Variants in RGMB observed in about 807,000 individuals in gnomAD.
RGMB encodes repulsive guidance molecule B.
Under a neutral mutation model 26.9 loss-of-function variants are expected in RGMB, and 16 were observed. The observed-to-expected ratio is 0.60, with a 90% CI of 0.40 to 0.90. The LOEUF is 0.90. Among genes scored for constraint, RGMB ranks in the 40% least tolerant of loss-of-function variants. RGMB has a pLI of 0.00. For missense variants in RGMB, 512 were observed against 573.3 expected, an observed-to-expected ratio of 0.89 and a Z score of 1.09; for synonymous variants, 225 against 229.3, an observed-to-expected ratio of 0.98 and a Z score of 0.17.
At chr5:98,777,376 C>G (rs569230594) in intron 1 of RGMB, among the ~76,000 whole-genome samples, 28 of 152,230 alleles carry the variant, frequency 1.8e-4, no homozygotes, top group Admixed American at 1.6e-3. Flanking sequence ...GACCTTGGCC[C>G]CATATTTATT....
chr5:98,774,831 C>T (rs907170812), intron 1 of RGMB, among the ~76,000 whole-genome samples: 19 of 152,156 alleles, frequency 1.2e-4, no homozygotes, highest in African/African-American at 3.9e-4. Flanking sequence ...AGCCGGGTGT[C>T]TTCGGGCTCC....
intron 2 of RGMB, among the ~76,000 whole-genome samples, chr5:98,792,272 T>C (rs1746954221): frequency 6.6e-6 from 1 of 152,202 alleles, no homozygotes; most frequent in Non-Finnish European, 1.5e-5. Context: ...AGTTTTTTAA[T>C]CCTATGAAGA....
chr5:98,777,171 C>A (rs928097963), intron 1 of RGMB, among the ~76,000 whole-genome samples: 11 of 151,582 alleles, frequency 7.3e-5, no homozygotes, highest in Admixed American at 3.9e-4. Flanking sequence ...TTCCACTTTT[C>A]TTTCCTTCTG....
intron 1 of RGMB, 135 bp downstream of exon 1, chr5:98,774,341 C>A: frequency 1.1e-6 from 1 of 919,366 alleles, no homozygotes; most frequent in Non-Finnish European, 1.5e-6. Context: ...GAGCCCCTGA[C>A]ACGCACCTCT....
intron 2 of RGMB, among the ~76,000 whole-genome samples, chr5:98,785,803 A>G (rs1435446198): frequency 6.6e-6 from 1 of 152,228 alleles, no homozygotes; most frequent in Non-Finnish European, 1.5e-5. Context: ...ATTAAAAGCC[A>G]GGTTTTCAAA....
In RGMB at chr5:98,793,192, G is replaced by T. The variant is rs754801482; in HGVS notation, c.753G>T (p.Gly251=). ...AAFVDGTTSG[G]DSDAKSLRIV... The stretch of plus-strand genomic sequence containing the variant: ...TTGTGGATGGCACCACCAGTGGTGG[G>T]GACAGCGATGCCAAGAGCCTGCGTA... Residue 251 remains glycine, a synonymous_variant, in exon 3 of 3, where the codon GGG becomes GGT. Coordinates refer to ENST00000513185, the MANE Select transcript of RGMB (RefSeq NM_001366508.1). The T allele has an allele frequency of 1.9e-6, 3 of 1,613,776 alleles. No individual in the cohort carries two copies. The African/African-American group carries it at 4.0e-5, about 22-fold the overall frequency.
At chr5:98,774,895 C>G (rs565851963) in intron 1 of RGMB, among the ~76,000 whole-genome samples, 2 of 152,152 alleles carry the variant, frequency 1.3e-5, no homozygotes, top group African/African-American at 2.4e-5. Flanking sequence ...GCTTCCCCAG[C>G]CTTGAGGCGT....
Position 98,793,573 on chromosome 5 carries a change from C to G in RGMB, c.1134C>G (p.Thr378=). ...YFQSCVFDLL[T]TGDANFTAAA... ...AGTCCTGTGTCTTCGACCTGCTCAC[C>G]ACTGGTGATGCCAACTTTACTGCCG... The change falls in exon 3 of 3, where the codon ACC becomes ACG. Residue 378 remains threonine (T), a synonymous_variant. Coordinates refer to ENST00000513185, the MANE Select transcript of RGMB (RefSeq NM_001366508.1). 1.2e-6 allele frequency: 2 copies of G among 1,613,998 alleles called. No homozygotes were observed. The highest frequency in any genetic ancestry group is 1.7e-6 in the Non-Finnish European group (2 of 1,179,900).
chr5:98,770,812 T>A (rs1470805156), upstream of RGMB: 1 of 501,340 alleles, frequency 2.0e-6, no homozygotes, highest in African/African-American at 2.0e-5. Flanking sequence ...AAAAAAAAAA[T>A]GATGTAAGTA....
At chr5:98,777,086 CAAAA>C (rs796290643) in intron 1 of RGMB, among the ~76,000 whole-genome samples, 1 of 95,226 alleles carries the variant, frequency 1.1e-5, no homozygotes. Flanking sequence ...GACTCCGTCT[CAAAA>C]AAAAAAAAAA....
At chr5:98,787,873 C>G (rs950168645) in intron 2 of RGMB, among the ~76,000 whole-genome samples, 1 of 152,180 alleles carries the variant, frequency 6.6e-6, no homozygotes, top group African/African-American at 2.4e-5. Flanking sequence ...CCCTTTCATT[C>G]TCGTTTTAGC....
At chr5:98,768,948 G>A (rs1746061901), upstream of RGMB, 1 of 152,332 alleles carries the variant, frequency 6.6e-6, no homozygotes, top group South Asian at 2.1e-4. Flanking sequence ...CGCGGAGTGG[G>A]AACAGCCCGC....
upstream of RGMB, among the ~76,000 whole-genome samples, chr5:98,769,118 G>T (rs567437236): frequency 2.6e-5 from 4 of 152,326 alleles, no homozygotes; most frequent in South Asian, 8.3e-4. Context: ...ATTGAGTGTG[G>T]TGGGGGGAAG....
chr5:98,792,107 T>G (rs1463962455), intron 2 of RGMB, among the ~76,000 whole-genome samples: 2 of 152,192 alleles, frequency 1.3e-5, no homozygotes, highest in Admixed American at 6.5e-5. Flanking sequence ...GATTTCCCTG[T>G]CGCAGGGATT....
chr5:98,774,205 A>T lies in RGMB; in HGVS notation c.135A>T (p.Ala45=). The T allele has an allele frequency of 6.1e-6, 9 of 1,463,510 alleles. No homozygotes were observed. The highest frequency in any genetic ancestry group is 8.1e-6 in the Non-Finnish European group (9 of 1,116,152). 90.7% of individuals were successfully genotyped at this position (1,463,510 alleles called of 1,614,324 possible). ...LLLFSLGLLH[A]GDCQQPAQCR... ...TGTTCAGCCTCGGGCTGCTCCACGCAGGTAGGACGGGAGCGCGCGAGGGGA... is the reference window on the plus strand; with the variant it reads ...TGTTCAGCCTCGGGCTGCTCCACGCTGGTAGGACGGGAGCGCGCGAGGGGA... The change falls in exon 1 of 3, where the codon GCA becomes GCT. Residue 45 remains alanine (A), a splice_region_variant and synonymous_variant. Coordinates refer to ENST00000513185, the MANE Select transcript of RGMB (RefSeq NM_001366508.1).
rs751415020 is a variant in RGMB at position 98,774,119 on chromosome 5, G to A, written c.49G>A (p.Val17Ile). Residue 17 changes from valine (V) to isoleucine (I), a missense_variant, in exon 1 of 3, where the codon GTT becomes ATT. Transcript: ENST00000513185. Reference protein sequence around the residue: ...PSSAAAAAAEVEQRRSPGLCP... With the variant: ...PSSAAAAAAEIEQRRSPGLCP... ...CAGCGCCGCCGCTGCCGCCGCCGAG[G>A]TTGAGCAGCGCCGCAGCCCCGGGCT... 2 of 1,416,778 alleles carry A rather than the reference G, an allele frequency of 1.4e-6. No homozygotes were observed. The highest frequency in any genetic ancestry group is 1.5e-5 in the African/African-American group (1 of 67,464). 87.8% of individuals were successfully genotyped at this position (1,416,778 alleles called of 1,614,324 possible).
chr5:98,779,213 GT>G (rs958496798), intron 1 of RGMB, among the ~76,000 whole-genome samples: 9 of 150,160 alleles, frequency 6.0e-5, no homozygotes, highest in Middle Eastern at 3.4e-3. Context: ...CAATGTTCAT[GT>G]TTTTGGCGTA....
chr5:98,796,095 G>A lies in RGMB; in HGVS notation c.*2342G>A, dbSNP rs2112389626. The A allele has an allele frequency of 6.6e-6, 1 of 152,194 alleles. No individual in the cohort carries two copies. The highest frequency in any genetic ancestry group is 2.1e-4 in the South Asian group (1 of 4,814). 9.4% of individuals were successfully genotyped at this position (152,194 alleles called of 1,614,324 possible). ...AAATAGATGTATTTCTCTACGTAAG[G>A]GCCAGGTTTATTTTCTCCTTTTTTG... On this transcript the variant is annotated 3_prime_UTR_variant, in exon 3 of 3. Coordinates refer to ENST00000513185, the MANE Select transcript of RGMB (RefSeq NM_001366508.1).
chr5:98,779,227 C>T (rs2112348709), intron 1 of RGMB, among the ~76,000 whole-genome samples: 1 of 152,196 alleles, frequency 6.6e-6, no homozygotes, highest in African/African-American at 2.4e-5. Flanking sequence ...TTGGCGTAAC[C>T]TTAGAGTAAT....
Sources: allele counts gnomAD v4.1 joint callset (sites outside exome capture counted in the v4.1 genomes callset), GRCh38; gene constraint gnomAD v4.1.1; transcripts MANE v1.5; gene names NCBI Gene and HGNC (gene_info 2026-07-23, HGNC 2026-07-21).